Variants in PRKN observed in about 807,000 individuals in gnomAD.
The protein encoded by PRKN is parkin RBR E3 ubiquitin protein ligase.
Under a neutral mutation model 59.5 loss-of-function variants are expected in PRKN, and 56 were observed. The observed-to-expected ratio is 0.94, with a 90% confidence interval of 0.76 to 1.18. The LOEUF (loss-of-function observed/expected upper bound fraction) is 1.18, where lower values mean the gene tolerates loss of function less well. Among genes scored for constraint, PRKN ranks in the 50% most tolerant of loss-of-function variants. PRKN has a pLI of 0.00. For synonymous variants in PRKN, 250 were observed against 222.1 expected, an observed-to-expected ratio of 1.13 and a Z score of -1.12; for missense variants, 657 against 596.4, an observed-to-expected ratio of 1.10 and a Z score of -1.06.
At chr6:162,405,645 G>T (rs887170338) in intron 2 of PRKN, among the ~76,000 whole-genome samples, 3 of 152,158 alleles carry the variant, frequency 2.0e-5, no homozygotes, top group African/African-American at 7.2e-5. Flanking sequence ...GAACCCATTA[G>T]GGTGGACCCG....
chr6:162,716,463 C>T (rs1200277136), intron 1 of PRKN, among the ~76,000 whole-genome samples: 2 of 152,170 alleles, frequency 1.3e-5, no homozygotes, highest in African/African-American at 2.4e-5. Context: ...GTGTCTAACG[C>T]TCATAGGGAA....
intron 2 of PRKN, among the ~76,000 whole-genome samples, chr6:162,296,015 T>C (rs1781658052): frequency 6.6e-6 from 1 of 152,136 alleles, no homozygotes; most frequent in African/African-American, 2.4e-5. Context: ...GAAACTACAA[T>C]TTTGGAAAAG....
At chr6:162,118,973 G>A (rs1030374375) in intron 4 of PRKN, among the ~76,000 whole-genome samples, 1 of 152,152 alleles carries the variant, frequency 6.6e-6, no homozygotes, top group Admixed American at 6.5e-5. Flanking sequence ...CAGCACACAC[G>A]TTCAAAATAG....
intron 3 of PRKN, among the ~76,000 whole-genome samples, chr6:162,233,204 C>T (rs181206052): frequency 1.9e-4 from 29 of 152,214 alleles, no homozygotes; most frequent in Non-Finnish European, 3.7e-4. Flanking sequence ...TAAAACATCT[C>T]CAATATCTAT....
At chr6:162,189,662 G>T (rs923331096) in intron 4 of PRKN, among the ~76,000 whole-genome samples, 3 of 151,676 alleles carry the variant, frequency 2.0e-5, no homozygotes, top group African/African-American at 7.3e-5. Flanking sequence ...AAATAATCAA[G>T]ACTTAATTTT....
chr6:161,599,169 C>T (rs1251180760), intron 7 of PRKN, among the ~76,000 whole-genome samples: 1 of 152,210 alleles, frequency 6.6e-6, no homozygotes, highest in Non-Finnish European at 1.5e-5. Flanking sequence ...TTCAGGCTCC[C>T]AGGACAATGA....
intron 4 of PRKN, among the ~76,000 whole-genome samples, chr6:162,065,678 G>A (rs1334171061): frequency 1.3e-5 from 2 of 151,568 alleles, no homozygotes; most frequent in African/African-American, 2.4e-5. Flanking sequence ...CCATCAACTC[G>A]TCATTTACAT....
At chr6:162,204,360 T>C (rs891159016) in intron 3 of PRKN, among the ~76,000 whole-genome samples, 4 of 152,192 alleles carry the variant, frequency 2.6e-5, no homozygotes, top group African/African-American at 9.7e-5. Flanking sequence ...TGAGTGACTC[T>C]GTAAAAATGA....
chr6:162,656,044 C>T (rs926972091), intron 1 of PRKN, among the ~76,000 whole-genome samples: 4 of 152,042 alleles, frequency 2.6e-5, no homozygotes, highest in African/African-American at 9.7e-5. Flanking sequence ...CAGAATAGGT[C>T]CAATATCAAT....
chr6:162,192,675 C>T (rs768763035), intron 4 of PRKN, among the ~76,000 whole-genome samples: 5 of 151,514 alleles, frequency 3.3e-5, no homozygotes, highest in Middle Eastern at 3.2e-3. Context: ...GTAGTCACTC[C>T]TTATAGTATA....
At chr6:161,820,473 A>G (rs991278672) in intron 6 of PRKN, among the ~76,000 whole-genome samples, 2 of 148,564 alleles carry the variant, frequency 1.3e-5, no homozygotes, top group African/African-American at 4.9e-5. Flanking sequence ...TAAAGTTTAT[A>G]TGTTTATAAA....
At chr6:162,584,692 G>T (rs187744212) in intron 1 of PRKN, among the ~76,000 whole-genome samples, 132 of 151,346 alleles carry the variant, frequency 8.7e-4, no homozygotes, top group African/African-American at 2.6e-3. Flanking sequence ...CAGAAATATT[G>T]TCAAAGTTCT....
Position 161,982,452 on chromosome 6 carries a change from T to C in PRKN, c.619-9035A>G, listed in dbSNP as rs530260570. On this transcript the variant is annotated intron_variant, in intron 5 of 11. Coordinates refer to ENST00000366898, the MANE Select transcript of PRKN (RefSeq NM_004562.3). Reference sequence around the variant, plus strand: ...AAAAGAGCCCGCATTGCCAAGTCAATCCTAAGCCAAAAGAACAAAGCTGGA... The same window carrying C: ...AAAAGAGCCCGCATTGCCAAGTCAACCCTAAGCCAAAAGAACAAAGCTGGA... Among the ~76,000 whole-genome samples, 591 of 78,482 alleles carry C rather than the reference T, an allele frequency of 7.5e-3. 21 individuals are homozygous for C. The highest frequency in any genetic ancestry group is 0.031 in the African/African-American group (559 of 18,000). 51.5% of individuals were successfully genotyped at this position (78,482 alleles called of 152,430 possible).
At chr6:162,125,610 A>G (rs943146066) in intron 4 of PRKN, among the ~76,000 whole-genome samples, 1 of 152,202 alleles carries the variant, frequency 6.6e-6, no homozygotes, top group Non-Finnish European at 1.5e-5. Flanking sequence ...TACCCACCCA[A>G]CTACTCACAA....
At chr6:162,635,866 A>C (rs1777691046) in intron 1 of PRKN, among the ~76,000 whole-genome samples, 2 of 152,046 alleles carry the variant, frequency 1.3e-5, no homozygotes, top group Non-Finnish European at 2.9e-5. Context: ...AGCCTGGTCT[A>C]TTTTGTGTGC....
chr6:162,694,236 C>CAAAAAAAA (rs149337714), intron 1 of PRKN, among the ~76,000 whole-genome samples: 6 of 93,496 alleles, frequency 6.4e-5, no homozygotes, highest in African/African-American at 8.5e-5. Context: ...AACAGTGAGA[C>CAAAAAAAA]AAAAAAAAAA....
intron 2 of PRKN, among the ~76,000 whole-genome samples, chr6:162,434,974 TTTCTTAAA>T (rs1789703738): frequency 6.6e-6 from 1 of 152,214 alleles, no homozygotes; most frequent in African/African-American, 2.4e-5. Flanking sequence ...CAACCTCTCA[TTTCTTAAA>T]TTCTTCCCTA....
chr6:161,953,999 C>G (rs999126920), intron 6 of PRKN, among the ~76,000 whole-genome samples: 1 of 152,124 alleles, frequency 6.6e-6, no homozygotes, highest in African/African-American at 2.4e-5. Flanking sequence ...TGGTGACTTA[C>G]GTGAGGACTG....
rs149505674 is a variant in PRKN, at chr6:161,836,860, G to T, written c.735-50952C>A. On this transcript the variant is annotated intron_variant, in intron 6 of 11. Coordinates refer to ENST00000366898, the MANE Select transcript of PRKN (RefSeq NM_004562.3). ...TCCCGAGCACAAGCCGTAAAATGAC[G>T]GGAGCTGTGTGAGGTGCCAAGGTCT... Among the ~76,000 whole-genome samples, 159 of 152,258 alleles carry T rather than the reference G, an allele frequency of 1.0e-3. 1 individual carries two copies. The highest frequency in any genetic ancestry group is 7.2e-4 in the Non-Finnish European group (49 of 68,018).
Sources: allele counts gnomAD v4.1 joint callset (sites outside exome capture counted in the v4.1 genomes callset), GRCh38; gene constraint gnomAD v4.1.1; transcripts MANE v1.5; gene names NCBI Gene and HGNC (gene_info 2026-07-23, HGNC 2026-07-21).